Variants in SPOPL observed in about 807,000 individuals in gnomAD.
The protein encoded by SPOPL is speckle-type POZ protein-like.
A neutral mutation model predicts 53.8 loss-of-function variants in SPOPL; 23 were observed. The observed-to-expected ratio is 0.43, with a 90% CI of 0.31 to 0.61. SPOPL has a LOEUF of 0.61. Ranked by LOEUF, SPOPL falls within the 20% of genes least tolerant of loss-of-function variation. SPOPL has a pLI of 0.12. For synonymous variants in SPOPL, 164 were observed against 149.7 expected (o/e 1.10, Z -0.70); for missense variants, 442 against 466.9 (o/e 0.95, Z 0.49).
At chr2:138,521,811 A>G (rs936437491) in intron 1 of SPOPL, among the ~76,000 whole-genome samples, 1 of 152,192 alleles carries the variant, frequency 6.6e-6, no homozygotes, top group Non-Finnish European at 1.5e-5. Context: ...ATTCCCTAAC[A>G]TTGGAATAAG....
intron 5 of SPOPL, among the ~76,000 whole-genome samples, chr2:138,555,781 G>C (rs897676811): frequency 6.6e-6 from 1 of 152,096 alleles, no homozygotes; most frequent in Non-Finnish European, 1.5e-5. Context: ...TCTAAACTAT[G>C]TTCTCTGAGT....
rs201011818 is a variant in SPOPL at position 138,549,938 on chromosome 2, ATAATC to A, written c.-60-217_-60-213del. On this transcript the variant is annotated intron_variant, in intron 1 of 10. Coordinates refer to ENST00000280098, the MANE Select transcript of SPOPL (RefSeq NM_001001664.3). ...TTTTTGGAGAACATGCCTTTACAAAATAATCTTATCTATAAATACTAAGTTTGTTT... is the reference window on the plus strand; with the variant it reads ...TTTTTGGAGAACATGCCTTTACAAAATTATCTATAAATACTAAGTTTGTTT... 5.3e-5 allele frequency among the ~76,000 whole-genome samples: 8 copies of A among 152,296 alleles called. No homozygotes were observed. In the East Asian group the frequency reaches 1.5e-3, roughly 29 times the overall value.
intron 1 of SPOPL, among the ~76,000 whole-genome samples, chr2:138,543,928 C>G (rs1558873507): frequency 6.6e-6 from 1 of 152,008 alleles, no homozygotes; most frequent in Non-Finnish European, 1.5e-5. Flanking sequence ...GGATGTCCTT[C>G]CTGTGTTAGT....
rs78091960 is a variant in SPOPL, at chr2:138,564,159, A to G, written c.838-549A>G. ...GGAAACTTTGAGGGACAATTGGTAT[A>G]TTTATTGTAGAGTTAATGATGGTTT... On this transcript the variant is annotated intron_variant, in intron 8 of 10. Coordinates refer to ENST00000280098, the MANE Select transcript of SPOPL (RefSeq NM_001001664.3). Among the ~76,000 whole-genome samples the G allele has an allele frequency of 9.4e-3, 1,429 of 152,340 alleles. 16 individuals are homozygous for G. Among genetic ancestry groups the G allele is most frequent in the African/African-American group, 0.033 (1,366 of 41,588 alleles).
rs570504155 is a variant in SPOPL at position 138,518,141 on chromosome 2, T to C, written c.-61+16022T>C. ...ATGAAGGCAAATGACTCTATTATGA[T>C]TTTGTTAAAAAAAAAAGAAAGAAAA... On this transcript the variant is annotated intron_variant, in intron 1 of 10. Coordinates refer to ENST00000280098, the MANE Select transcript of SPOPL (RefSeq NM_001001664.3). 8.9e-4 allele frequency among the ~76,000 whole-genome samples: 134 copies of C among 150,786 alleles called. 1 individual carries two copies. The highest frequency in any genetic ancestry group is 2.9e-3 in the African/African-American group (117 of 40,900).
intron 5 of SPOPL, among the ~76,000 whole-genome samples, chr2:138,557,917 G>C (rs1034709378): frequency 2.0e-5 from 3 of 152,116 alleles, no homozygotes; most frequent in African/African-American, 7.2e-5. Context: ...CCAACACTTT[G>C]GGAGGTCAAG....
chr2:138,549,040 T>TTA (rs1283722655), intron 1 of SPOPL, among the ~76,000 whole-genome samples: 1 of 152,154 alleles, frequency 6.6e-6, no homozygotes, highest in African/African-American at 2.4e-5. Context: ...GAAATGGCTG[T>TTA]TAGGTCTAGC....
At chr2:138,560,299 T>C (rs1224495344) in intron 7 of SPOPL, among the ~76,000 whole-genome samples, 1 of 152,158 alleles carries the variant, frequency 6.6e-6, no homozygotes, top group Non-Finnish European at 1.5e-5. Context: ...TTCTGGGAAT[T>C]AAGAACTGTT....
Position 138,501,786 on chromosome 2 carries a change from T to G in SPOPL, c.-394T>G, listed in dbSNP as rs1407925727. ...GCCGCGCGCACGCGCCCTCGCGGGC[T>G]GGAGCCGGGGCTGGAGTCGTAACTC... is the stretch of plus-strand genomic sequence containing the variant. On this transcript the variant is annotated 5_prime_UTR_variant, in exon 1 of 11. Transcript: ENST00000280098. 1 of 146,380 alleles carries G rather than the reference T, an allele frequency of 6.8e-6. No individual in the cohort carries two copies. Among genetic ancestry groups the G allele is most frequent in the African/African-American group, 2.6e-5 (1 of 38,150 alleles). The allele number at this position is 146,380 out of a possible 1,614,324, so 9.1% of individuals were successfully genotyped here.
chr2:138,558,897 A>C (rs955515188), intron 5 of SPOPL, 125 bp from the exon 6 acceptor site: 1 of 648,240 alleles, frequency 1.5e-6, no homozygotes, highest in African/African-American at 1.9e-5. Context: ...GATATTAGAA[A>C]TTTTGATTAG....
chr2:138,520,749 G>A (rs144013784), intron 1 of SPOPL, among the ~76,000 whole-genome samples: 9 of 152,264 alleles, frequency 5.9e-5, no homozygotes, highest in Admixed American at 3.9e-4. Context: ...GCAACTTTCC[G>A]TTGTGAGTAG....
At chr2:138,528,449 G>A (rs974264387) in intron 1 of SPOPL, among the ~76,000 whole-genome samples, 1 of 152,124 alleles carries the variant, frequency 6.6e-6, no homozygotes, top group Non-Finnish European at 1.5e-5. Context: ...TGATGTACCA[G>A]TGTCACACCC....
At chr2:138,555,240 C>T (rs1054894199) in intron 5 of SPOPL, among the ~76,000 whole-genome samples, 1 of 151,436 alleles carries the variant, frequency 6.6e-6, no homozygotes, top group African/African-American at 2.4e-5. Context: ...GGTTAGAGTC[C>T]TCATAACCTA....
At chr2:138,537,904 G>A (rs1480994510) in intron 1 of SPOPL, among the ~76,000 whole-genome samples, 1 of 152,158 alleles carries the variant, frequency 6.6e-6, no homozygotes, top group Non-Finnish European at 1.5e-5. Flanking sequence ...AACTCCTCAA[G>A]TTGTCACGCT....
In SPOPL at chr2:138,553,509, C is replaced by T. The variant is rs576564362; in HGVS notation, c.480+828C>T. Among the ~76,000 whole-genome samples the T allele has an allele frequency of 3.8e-4, 58 of 152,194 alleles. 1 individual carries two copies. The highest frequency in any genetic ancestry group is 2.4e-3 in the Admixed American group (36 of 15,290). ...GAAAAGATTTTTATCATGTACTCAA[C>T]ATTAGATATATTTCAACAGATTATC... On this transcript the variant is annotated intron_variant, in intron 5 of 10. Coordinates refer to ENST00000280098, the MANE Select transcript of SPOPL (RefSeq NM_001001664.3).
intron 1 of SPOPL, among the ~76,000 whole-genome samples, chr2:138,527,479 T>C (rs1231273975): frequency 1.3e-5 from 2 of 152,228 alleles, no homozygotes; most frequent in Non-Finnish European, 2.9e-5. Flanking sequence ...ATGACTATAT[T>C]ATTATTTATC....
At chr2:138,525,663 A>AATAAAAC (rs1553468802) in intron 1 of SPOPL, among the ~76,000 whole-genome samples, 1 of 130,482 alleles carries the variant, frequency 7.7e-6, no homozygotes, top group Non-Finnish European at 1.6e-5. Flanking sequence ...GTAGAAAAAA[A>AATAAAAC]AAAAAAAAAA....
At chr2:138,521,365 C>CT (rs58220797) in intron 1 of SPOPL, among the ~76,000 whole-genome samples, 2,960 of 134,668 alleles carry the variant, frequency 0.022, 75 homozygotes, top group African/African-American at 0.065. Context: ...GACCCCAGAG[C>CT]TTTTTTTTTT....
chr2:138,550,848 T>TCTCTCG (rs2104892089), intron 3 of SPOPL, 55 bp from the exon 4 acceptor site: 1 of 1,541,966 alleles, frequency 6.5e-7, no homozygotes, highest in South Asian at 1.2e-5. Flanking sequence ...TCTCTCTCTC[T>TCTCTCG]CGAATGCTTT....
Sources: allele counts gnomAD v4.1 joint callset (sites outside exome capture counted in the v4.1 genomes callset), GRCh38; gene constraint gnomAD v4.1.1; transcripts MANE v1.5; gene names NCBI Gene and HGNC (gene_info 2026-07-23, HGNC 2026-07-21).